Variants in FKBP3 observed in about 807,000 individuals in gnomAD.
FKBP3 encodes the protein peptidyl-prolyl cis-trans isomerase FKBP3.
Under a neutral mutation model 30.6 loss-of-function variants are expected in FKBP3, and 21 were observed. The ratio of observed to expected loss-of-function variants is 0.69; its 90% CI spans 0.49 to 0.99. The LOEUF (loss-of-function observed/expected upper bound fraction) is 0.99, where lower values mean the gene tolerates loss of function less well. Ranked by LOEUF, FKBP3 falls within the 50% of genes least tolerant of loss-of-function variation. The pLI is 0.00. For synonymous variants in FKBP3, 82 were observed against 91.3 expected, an observed-to-expected ratio of 0.90 and a Z score of 0.58; for missense variants, 283 against 261.6, an observed-to-expected ratio of 1.08 and a Z score of -0.56.
At chr14:45,128,346 CAAAA>C (rs1047871169) in intron 3 of FKBP3, among the ~76,000 whole-genome samples, 256 of 151,568 alleles carry the variant, frequency 1.7e-3, no homozygotes, top group African/African-American at 5.9e-3. Flanking sequence ...AAAACAAAAA[CAAAA>C]AAAGAGAAAG....
intron 3 of FKBP3, among the ~76,000 whole-genome samples, chr14:45,123,618 T>TTG (rs2139081152): frequency 7.5e-6 from 1 of 134,012 alleles, no homozygotes; most frequent in East Asian, 2.1e-4. Flanking sequence ...TTTTTTTTTT[T>TTG]TTTTTTTTTT....
In FKBP3 at chr14:45,116,167, C is replaced by CA; in HGVS notation, c.*30_*31insT. 1 of 1,521,484 alleles carries CA rather than the reference C, an allele frequency of 6.6e-7. No individual in the cohort carries two copies. The highest frequency in any genetic ancestry group is 9.1e-7 in the Non-Finnish European group (1 of 1,097,908). 94.2% of individuals were successfully genotyped at this position (1,521,484 alleles called of 1,614,324 possible). A position where few individuals can be genotyped will look rare whatever the true frequency, so the allele number is the denominator to read the frequency against. ...TCAAGGCCAAGTTTTATCATTGTTG[C>CA]TAATATCCTTAGAGCTGAAGCACTG... On this transcript the variant is annotated 3_prime_UTR_variant, in exon 7 of 7. Transcript: ENST00000396062.
At chr14:45,130,673 T>C in intron 2 of FKBP3, 26 bp downstream of exon 2, 1 of 1,325,632 alleles carries the variant, frequency 7.5e-7, no homozygotes, top group Non-Finnish European at 1.1e-6. Flanking sequence ...AGTGATGTTC[T>C]GCTAACAGAA....
chr14:45,120,956 T>C lies in FKBP3; in HGVS notation c.455-2A>G. ...TGGCATTTTTCTTCTTCTTTGCACC[T>C]GTAAAACAGATTTTCCTTATCATTA... On this transcript the variant is annotated splice_acceptor_variant, in intron 4 of 6. Transcript: ENST00000396062. LOFTEE classifies it high-confidence loss of function. 2 of 1,611,352 alleles carry C rather than the reference T, an allele frequency of 1.2e-6. No individual in the cohort carries two copies. Among genetic ancestry groups the C allele is most frequent in the Non-Finnish European group, 1.7e-6 (2 of 1,178,324 alleles).
intron 3 of FKBP3, among the ~76,000 whole-genome samples, chr14:45,124,375 T>C (rs928388094): frequency 2.6e-5 from 4 of 151,872 alleles, no homozygotes; most frequent in Non-Finnish European, 4.4e-5. Context: ...CTACTAAAAA[T>C]ACAAAAATTA....
At chr14:45,120,097 CAG>C (rs1407613512) in intron 5 of FKBP3, among the ~76,000 whole-genome samples, 2 of 152,168 alleles carry the variant, frequency 1.3e-5, no homozygotes, top group East Asian at 1.9e-4. Flanking sequence ...ACTGATTGTA[CAG>C]AGAGTAATAT....
At chr14:45,120,590 A>C (rs1392887384) in intron 5 of FKBP3, among the ~76,000 whole-genome samples, 1 of 152,174 alleles carries the variant, frequency 6.6e-6, no homozygotes, top group Non-Finnish European at 1.5e-5. Context: ...AAAATAATAA[A>C]ATGGGTACAC....
chr14:45,118,557 G>T (rs1884909264), intron 5 of FKBP3, among the ~76,000 whole-genome samples: 1 of 152,110 alleles, frequency 6.6e-6, no homozygotes, highest in Non-Finnish European at 1.5e-5. Context: ...CTTGAACCCA[G>T]AAGGTGGAGG....
At position 45,115,839 on chromosome 14, in the gene FKBP3, T is replaced by G. The variant is rs571118022; in HGVS notation, c.*359A>C. On this transcript the variant is annotated 3_prime_UTR_variant, in exon 7 of 7. Transcript: ENST00000396062. ...GGAGTTACTCCCTGGTTTGATGAGG[T>G]CCTTAGTTCCAATTCCCTAATCAGA... 6.5e-5 allele frequency: 11 copies of G among 168,462 alleles called. No homozygotes were observed. Among genetic ancestry groups the G allele is most frequent in the Non-Finnish European group, 1.3e-4 (10 of 78,202 alleles). 10.4% of individuals were successfully genotyped at this position (168,462 alleles called of 1,614,324 possible).
Position 45,121,492 on chromosome 14 carries a change from A to C in FKBP3, c.447T>G (p.Ile149Met), listed in dbSNP as rs916737442. 1.9e-6 allele frequency: 3 copies of C among 1,610,830 alleles called. No individual in the cohort carries two copies. The African/African-American group carries it at 4.0e-5, about 22-fold the overall frequency. ...GATTCCATTTAGACTTACTTGTTTG[A>C]ATATTAGTATCAAAAACAGTCCCAT... ...LQDGTVFDTN[I>M]QTSAKKKKNA... The change falls in exon 4 of 7, where the codon ATT (isoleucine) becomes ATG (methionine). Residue 149 changes from isoleucine (I) to methionine (M), a missense_variant. By Grantham distance (10) the Ile-to-Met change is conservative. Transcript: ENST00000396062.
At chr14:45,133,397 G>T (rs1441643631) in intron 1 of FKBP3, 1 of 244,344 alleles carries the variant, frequency 4.1e-6, no homozygotes, top group Non-Finnish European at 9.0e-6. Context: ...AACCCGGGAG[G>T]CGGAGGTTGC....
At chr14:45,129,756 C>A in intron 3 of FKBP3, 38 bp downstream of exon 3, 2 of 1,255,018 alleles carry the variant, frequency 1.6e-6, no homozygotes, top group South Asian at 1.4e-5. Context: ...AATTTCTAGA[C>A]TCCACATGAT....
Position 45,120,898 on chromosome 14 carries a change from C to A in FKBP3, c.511G>T (p.Val171Phe), listed in dbSNP as rs561308436. Reference sequence around the variant, plus strand: ...CATTCTTTACTTACTCCTCTGATAACTTTGCCTACTCCGACCTTAAAACTT... The same window carrying A: ...CATTCTTTACTTACTCCTCTGATAAATTTGCCTACTCCGACCTTAAAACTT... ...PLSFKVGVGK[V>F]IRGWDEALLT... Residue 171 changes from valine to phenylalanine, a missense_variant, in exon 5 of 7, where the codon GTT becomes TTT. Val to Phe is a conservative substitution (Grantham distance 50, BLOSUM62 -1). Coordinates refer to ENST00000396062, the MANE Select transcript of FKBP3 (RefSeq NM_002013.4). 3 of 1,613,050 alleles carry A rather than the reference C, an allele frequency of 1.9e-6. No individual in the cohort carries two copies. In the South Asian group the frequency reaches 3.3e-5, roughly 18 times the overall value.
chr14:45,123,125 G>C (rs140331847), intron 3 of FKBP3, among the ~76,000 whole-genome samples: 10 of 151,156 alleles, frequency 6.6e-5, no homozygotes, highest in Admixed American at 2.0e-4. Flanking sequence ...TCCAGGAGGC[G>C]GAGGTTGCAG....
At position 45,121,495 on chromosome 14, in the gene FKBP3, A is replaced by G. The variant is rs376361218; in HGVS notation, c.444T>C (p.Asn148=). The change falls in exon 4 of 7, where the codon AAT becomes AAC. Residue 148 remains asparagine (N), a synonymous_variant. Transcript: ENST00000396062. The part of the protein sequence containing the change: ...TLQDGTVFDT[N]IQTSAKKKKN... ...TCCATTTAGACTTACTTGTTTGAAT[A>G]TTAGTATCAAAAACAGTCCCATCTT... The G allele has an allele frequency of 2.2e-4, 358 of 1,611,218 alleles. 10 individuals carry two copies. In the South Asian group the frequency reaches 2.4e-3, roughly 11 times the overall value.
intron 5 of FKBP3, among the ~76,000 whole-genome samples, chr14:45,118,482 T>A (rs1884906680): frequency 6.6e-6 from 1 of 151,730 alleles, no homozygotes. Context: ...AATAAAAAAA[T>A]TAGCTGGGTG....
chr14:45,118,807 A>T (rs1317900594), intron 5 of FKBP3, among the ~76,000 whole-genome samples: 2 of 152,222 alleles, frequency 1.3e-5, no homozygotes, highest in Non-Finnish European at 2.9e-5. Context: ...AATTGTTTTA[A>T]GATTACCAGA....
At chr14:45,130,333 CTT>C (rs1430184997) in intron 2 of FKBP3, among the ~76,000 whole-genome samples, 9 of 152,186 alleles carry the variant, frequency 5.9e-5, no homozygotes, top group Admixed American at 6.5e-5. Flanking sequence ...GAAATGGAAA[CTT>C]ATTTTCAATA....
intron 3 of FKBP3, among the ~76,000 whole-genome samples, chr14:45,124,647 T>C (rs928367493): frequency 1.3e-5 from 2 of 152,044 alleles, no homozygotes; most frequent in African/African-American, 2.4e-5. Flanking sequence ...TTTACAGTAG[T>C]GTGATCACGG....
Sources: allele counts gnomAD v4.1 joint callset (sites outside exome capture counted in the v4.1 genomes callset), GRCh38; gene constraint gnomAD v4.1.1; transcripts MANE v1.5; gene names NCBI Gene and HGNC (gene_info 2026-07-23, HGNC 2026-07-21).